WDR59: variants seen among roughly 807,000 people sequenced by gnomAD.
WDR59 encodes WD repeat domain 59.
A neutral mutation model predicts 131.2 loss-of-function variants in WDR59; 100 were observed. The observed-to-expected ratio is 0.76, with a 90% CI of 0.65 to 0.90. WDR59 has a LOEUF of 0.90. Ranked by LOEUF, WDR59 falls within the 40% of genes least tolerant of loss-of-function variation. WDR59 has a pLI of 0.00. For missense variants in WDR59, 1,203 were observed against 1,262.2 expected (o/e 0.95, Z 0.71); for synonymous variants, 601 against 466.2 (o/e 1.29, Z -3.72).
At chr16:74,930,301 C>T (rs1017493969) in intron 8 of WDR59, among the ~76,000 whole-genome samples, 3 of 152,270 alleles carry the variant, frequency 2.0e-5, no homozygotes, top group Admixed American at 6.5e-5. Flanking sequence ...CAAAATATCT[C>T]ATGTACCCCA....
intron 16 of WDR59, 100 bp downstream of exon 16, chr16:74,909,401 T>C: frequency 7.2e-7 from 1 of 1,397,718 alleles, no homozygotes; most frequent in Non-Finnish European, 9.4e-7. Flanking sequence ...TTCTCGGGAG[T>C]AAAAGCAAAC....
At chr16:74,891,838 C>A (rs954190079) in intron 20 of WDR59, among the ~76,000 whole-genome samples, 28 of 152,266 alleles carry the variant, frequency 1.8e-4, no homozygotes, top group African/African-American at 6.0e-4. Flanking sequence ...GCAGGAGAAT[C>A]GCTTGAACCC....
chr16:74,983,529 G>C (rs1016395250), intron 1 of WDR59, among the ~76,000 whole-genome samples: 3 of 152,038 alleles, frequency 2.0e-5, no homozygotes, highest in African/African-American at 7.2e-5. Flanking sequence ...ACTGTCCTAG[G>C]TGCTGGGGAA....
intron 25 of WDR59, among the ~76,000 whole-genome samples, chr16:74,881,856 G>A (rs1437725991): frequency 7.6e-6 from 1 of 131,278 alleles, no homozygotes; most frequent in Admixed American, 8.8e-5. Flanking sequence ...CTGGGTGACA[G>A]AGCAAGACTC....
At chr16:74,924,299 C>T (rs1597725224) in intron 8 of WDR59, among the ~76,000 whole-genome samples, 1 of 152,158 alleles carries the variant, frequency 6.6e-6, no homozygotes, top group African/African-American at 2.4e-5. Flanking sequence ...TTCAGAGTGA[C>T]GTGTTTGATT....
chr16:74,950,047 C>A, intron 4 of WDR59: 1 of 524,080 alleles, frequency 1.9e-6, no homozygotes, highest in Non-Finnish European at 3.7e-6. Flanking sequence ...CAACTTAAAA[C>A]ATTCTCTCTC....
At chr16:74,968,229 A>C (rs2033850661) in intron 1 of WDR59, among the ~76,000 whole-genome samples, 1 of 152,172 alleles carries the variant, frequency 6.6e-6, no homozygotes, top group African/African-American at 2.4e-5. Flanking sequence ...TAGTCTCATC[A>C]GTCCTTTAAA....
chr16:74,920,711 T>C (rs557182595), intron 10 of WDR59, among the ~76,000 whole-genome samples: 4 of 152,340 alleles, frequency 2.6e-5, no homozygotes, highest in Admixed American at 6.5e-5. Flanking sequence ...TTTCTACTTA[T>C]GATATTTTCA....
intron 13 of WDR59, among the ~76,000 whole-genome samples, chr16:74,913,675 A>G (rs1966216972): frequency 1.3e-5 from 2 of 152,176 alleles, no homozygotes; most frequent in South Asian, 4.1e-4. Context: ...GAGATGGGAA[A>G]ATAAAGCAGG....
chr16:74,899,592 C>G, intron 18 of WDR59: 1 of 935,834 alleles, frequency 1.1e-6, no homozygotes, highest in Non-Finnish European at 1.5e-6. Flanking sequence ...GAAAACAGCT[C>G]GCCTGTCATT....
At chr16:74,913,020 T>A (rs1170083084) in intron 13 of WDR59, among the ~76,000 whole-genome samples, 1 of 148,310 alleles carries the variant, frequency 6.7e-6, no homozygotes, top group Non-Finnish European at 1.5e-5. Flanking sequence ...CATGTCACAG[T>A]GCTGCAGAGA....
chr16:74,949,833 G>A (rs540701872), intron 4 of WDR59, 35 bp from the exon 5 acceptor site: 4 of 1,607,784 alleles, frequency 2.5e-6, no homozygotes, highest in Non-Finnish European at 3.4e-6. Flanking sequence ...CAAAGAAAAG[G>A]AAAAAAATTC....
intron 1 of WDR59, among the ~76,000 whole-genome samples, chr16:74,971,388 T>C (rs2033974593): frequency 6.6e-6 from 1 of 151,574 alleles, no homozygotes; most frequent in Non-Finnish European, 1.5e-5. Context: ...CACTTTATAC[T>C]GTAAAATTTT....
At chr16:74,969,682 G>A (rs886223927) in intron 1 of WDR59, among the ~76,000 whole-genome samples, 8 of 151,690 alleles carry the variant, frequency 5.3e-5, no homozygotes, top group African/African-American at 1.9e-4. Context: ...TGATTCTCCT[G>A]CCTCAGCCTC....
chr16:74,960,920 G>A lies in WDR59; in HGVS notation c.105-4310C>T, dbSNP rs11647430. ...AAATTTCTGTATCTTAATCAGAATG[G>A]TGATTACATGAGTATATATATTTGT... On this transcript the variant is annotated intron_variant, in intron 2 of 25. Transcript: ENST00000262144. Among the ~76,000 whole-genome samples, 800 of 152,088 alleles carry A rather than the reference G, an allele frequency of 5.3e-3. 4 individuals carry two copies. Among genetic ancestry groups the A allele is most frequent in the Middle Eastern group, 0.01 (3 of 294 alleles).
chr16:74,882,807 C>CAAAAAAAAAAAAAA (rs569507124), intron 25 of WDR59, among the ~76,000 whole-genome samples: 2 of 51,418 alleles, frequency 3.9e-5, no homozygotes, highest in Non-Finnish European at 6.5e-5. Flanking sequence ...AACACTGTCT[C>CAAAAAAAAAAAAAA]AAAAAAAAAA....
chr16:74,923,111 G>A (rs1275924747), intron 9 of WDR59, among the ~76,000 whole-genome samples: 1 of 152,142 alleles, frequency 6.6e-6, no homozygotes, highest in Non-Finnish European at 1.5e-5. Context: ...GTCAGCTTGT[G>A]AACTACAGAA....
intron 10 of WDR59, among the ~76,000 whole-genome samples, chr16:74,918,647 C>T (rs1332853153): frequency 6.6e-6 from 1 of 152,166 alleles, no homozygotes; most frequent in Non-Finnish European, 1.5e-5. Flanking sequence ...GTTCAGGGTG[C>T]TTTATGAAAT....
At chr16:74,927,554 C>G (rs2030939059) in intron 8 of WDR59, among the ~76,000 whole-genome samples, 1 of 140,072 alleles carries the variant, frequency 7.1e-6, no homozygotes, top group South Asian at 2.3e-4. Flanking sequence ...CGCCACTGCA[C>G]TCCAGCCTGG....
Sources: gnomAD v4.1 joint callset for allele counts (sites outside exome capture counted in the v4.1 genomes callset) on GRCh38, gnomAD v4.1.1 for gene constraint, MANE v1.5 for transcripts, NCBI Gene and HGNC (gene_info 2026-07-23, HGNC 2026-07-21) for gene names.